TMEM45A: variants seen among roughly 807,000 people sequenced by gnomAD.
TMEM45A encodes the protein transmembrane protein 45A.
In TMEM45A, 25 loss-of-function variants were observed where a neutral mutation model predicts 32.0. The ratio of observed to expected loss-of-function variants is 0.78; its 90% CI spans 0.57 to 1.09. TMEM45A has a LOEUF of 1.09. Among genes scored for constraint, TMEM45A ranks in the 50% least tolerant of loss-of-function variants. TMEM45A has a pLI of 0.00. For synonymous variants in TMEM45A, 122 were observed against 114.8 expected (o/e 1.06, Z -0.40); for missense variants, 302 against 325.0 (o/e 0.93, Z 0.54).
At chr3:100,520,001 TTAG>T (rs1409630241) in intron 1 of TMEM45A, among the ~76,000 whole-genome samples, 3 of 152,168 alleles carry the variant, frequency 2.0e-5, no homozygotes, top group African/African-American at 7.2e-5. Flanking sequence ...CACTCAACAC[TTAG>T]GTACTGAACC....
intron 5 of TMEM45A, among the ~76,000 whole-genome samples, chr3:100,575,373 T>C (rs955857891): frequency 2.2e-5 from 3 of 137,826 alleles, no homozygotes; most frequent in African/African-American, 8.2e-5. Flanking sequence ...CTTTTTTTTT[T>C]TTTTTTTTTT....
chr3:100,540,084 C>A (rs948840020), intron 1 of TMEM45A, among the ~76,000 whole-genome samples: 2 of 151,890 alleles, frequency 1.3e-5, no homozygotes, highest in African/African-American at 4.8e-5. Flanking sequence ...AGAGGACAAT[C>A]CATGAAAGAA....
intron 1 of TMEM45A, among the ~76,000 whole-genome samples, chr3:100,508,342 C>T (rs575669520): frequency 2.0e-5 from 3 of 152,118 alleles, no homozygotes; most frequent in Admixed American, 6.5e-5. Flanking sequence ...TGCATCTTGC[C>T]GTGGAGTCCA....
chr3:100,496,460 T>A (rs1490093449), intron 1 of TMEM45A, among the ~76,000 whole-genome samples: 1 of 152,220 alleles, frequency 6.6e-6, no homozygotes, highest in Non-Finnish European at 1.5e-5. Context: ...CCAGTCTAAC[T>A]TTGTAGCCCG....
intron 5 of TMEM45A, chr3:100,570,621 G>C (rs1706537917): frequency 6.6e-6 from 1 of 152,284 alleles, no homozygotes; most frequent in Admixed American, 6.5e-5. Flanking sequence ...TGACTTCTGG[G>C]CCTCATCTCC....
chr3:100,573,160 G>T (rs1706606532), intron 5 of TMEM45A: 1 of 151,586 alleles, frequency 6.6e-6, no homozygotes, highest in South Asian at 2.1e-4. Flanking sequence ...AGCTTGATGG[G>T]GATGGCATTG....
intron 1 of TMEM45A, among the ~76,000 whole-genome samples, chr3:100,508,065 C>G (rs1266480734): frequency 6.6e-6 from 1 of 151,858 alleles, no homozygotes; most frequent in African/African-American, 2.4e-5. Flanking sequence ...GCTGGCCCAG[C>G]TGAGATCGGA....
chr3:100,538,203 T>C (rs1301209974), intron 1 of TMEM45A, among the ~76,000 whole-genome samples: 2 of 152,224 alleles, frequency 1.3e-5, no homozygotes, highest in Non-Finnish European at 2.9e-5. Flanking sequence ...GGCAGAGAGA[T>C]GTATATCCCT....
intron 1 of TMEM45A, among the ~76,000 whole-genome samples, chr3:100,507,668 A>G (rs2148932551): frequency 6.6e-6 from 1 of 152,304 alleles, no homozygotes; most frequent in Non-Finnish European, 1.5e-5. Flanking sequence ...GATGCTAGTC[A>G]GTGTTGTCAT....
intron 1 of TMEM45A, chr3:100,519,543 C>T (rs1473635336): frequency 6.4e-7 from 1 of 1,550,692 alleles, no homozygotes; most frequent in Non-Finnish European, 8.7e-7. Context: ...TTCTAACGTG[C>T]CTGATCTACT....
At chr3:100,537,941 T>C (rs1705776238) in intron 1 of TMEM45A, among the ~76,000 whole-genome samples, 1 of 152,208 alleles carries the variant, frequency 6.6e-6, no homozygotes, top group South Asian at 2.1e-4. Context: ...CTCGTCTGGG[T>C]TGGGAGCCAG....
At chr3:100,554,476 G>A (rs1310896721) in intron 1 of TMEM45A, among the ~76,000 whole-genome samples, 2 of 152,186 alleles carry the variant, frequency 1.3e-5, no homozygotes, top group Non-Finnish European at 2.9e-5. Context: ...TGTGTAGACT[G>A]CTAACTGACC....
intron 1 of TMEM45A, among the ~76,000 whole-genome samples, chr3:100,507,060 T>C (rs1382430510): frequency 1.3e-5 from 2 of 152,234 alleles, no homozygotes; most frequent in Non-Finnish European, 2.9e-5. Flanking sequence ...ATGGACTTAC[T>C]GCTCTAGAGG....
At chr3:100,533,788 G>A (rs1705693263) in intron 1 of TMEM45A, among the ~76,000 whole-genome samples, 1 of 152,124 alleles carries the variant, frequency 6.6e-6, no homozygotes. Context: ...CTTGTATTAT[G>A]TCTGCTTATC....
At chr3:100,502,029 C>A (rs1239762917) in intron 1 of TMEM45A, among the ~76,000 whole-genome samples, 1 of 152,086 alleles carries the variant, frequency 6.6e-6, no homozygotes, top group Non-Finnish European at 1.5e-5. Flanking sequence ...AAACAAGACA[C>A]GTTAGTTCCT....
chr3:100,562,491 G>A (rs1319532626), intron 4 of TMEM45A, among the ~76,000 whole-genome samples: 1 of 152,204 alleles, frequency 6.6e-6, no homozygotes, highest in East Asian at 1.9e-4. Context: ...AGAGATTGGC[G>A]ACGGGAGGGG....
At chr3:100,532,684 A>G (rs2148958002) in intron 1 of TMEM45A, among the ~76,000 whole-genome samples, 1 of 152,300 alleles carries the variant, frequency 6.6e-6, no homozygotes, top group Middle Eastern at 3.4e-3. Flanking sequence ...TTTTTGAGGC[A>G]TGGAGATGAG....
intron 1 of TMEM45A, among the ~76,000 whole-genome samples, chr3:100,552,944 T>G (rs1706139176): frequency 1.3e-5 from 2 of 152,208 alleles, no homozygotes; most frequent in Non-Finnish European, 2.9e-5. Flanking sequence ...GAGAAGTGTC[T>G]TGGGCACTAC....
chr3:100,570,512 A>G (rs915135159), intron 5 of TMEM45A: 2 of 152,404 alleles, frequency 1.3e-5, no homozygotes, highest in East Asian at 1.9e-4. Flanking sequence ...TTCTCATTCT[A>G]TTAGCCCCAT....
Sources: gnomAD v4.1 joint callset for allele counts (sites outside exome capture counted in the v4.1 genomes callset) on GRCh38, gnomAD v4.1.1 for gene constraint, MANE v1.5 for transcripts, NCBI Gene and HGNC (gene_info 2026-07-23, HGNC 2026-07-21) for gene names.